ALG14: variants seen among roughly 807,000 people sequenced by gnomAD.
ALG14 encodes ALG14 UDP-N-acetylglucosaminyltransferase subunit.
ALG14 carries 17 observed loss-of-function variants against 22.8 expected under a neutral mutation model. That is an observed-to-expected ratio of 0.75 (90% CI 0.51 to 1.12). The LOEUF (loss-of-function observed/expected upper bound fraction) is 1.12, where lower values mean the gene tolerates loss of function less well. Among genes scored for constraint, ALG14 ranks in the 50% most tolerant of loss-of-function variants. The pLI is 0.00. For missense variants in ALG14, 288 were observed against 271.8 expected, an observed-to-expected ratio of 1.06 and a Z score of -0.42; for synonymous variants, 89 against 103.7, an observed-to-expected ratio of 0.86 and a Z score of 0.86.
At chr1:95,062,010 T>C (rs34280926) in intron 2 of ALG14, 49,097 of 151,802 alleles carry the variant, frequency 0.32, 10,026 homozygotes, top group Middle Eastern at 0.44. Flanking sequence ...CTGACTAAAA[T>C]GCTATAATGA....
At chr1:95,044,084 C>T (rs937088907) in intron 2 of ALG14, among the ~76,000 whole-genome samples, 1 of 152,178 alleles carries the variant, frequency 6.6e-6, no homozygotes, top group African/African-American at 2.4e-5. Flanking sequence ...TACAATTGCT[C>T]AGAACAGCTT....
intron 2 of ALG14, among the ~76,000 whole-genome samples, chr1:95,039,998 C>T (rs1238995100): frequency 6.6e-6 from 1 of 151,854 alleles, no homozygotes; most frequent in Non-Finnish European, 1.5e-5. Context: ...CACGGCAAAA[C>T]CCTATCTCTA....
At chr1:95,050,426 C>T (rs1674707964) in intron 2 of ALG14, among the ~76,000 whole-genome samples, 1 of 152,098 alleles carries the variant, frequency 6.6e-6, no homozygotes, top group African/African-American at 2.4e-5. Context: ...ACCAAGAGTA[C>T]CTCAAAACTC....
At chr1:95,068,398 T>C (rs1403358771) in intron 1 of ALG14, among the ~76,000 whole-genome samples, 2 of 152,200 alleles carry the variant, frequency 1.3e-5, no homozygotes, top group African/African-American at 2.4e-5. Flanking sequence ...GCGATTCTCC[T>C]GCCTCAGCCT....
intron 3 of ALG14, among the ~76,000 whole-genome samples, chr1:95,016,646 G>A (rs866442518): frequency 6.6e-6 from 1 of 152,076 alleles, no homozygotes; most frequent in Non-Finnish European, 1.5e-5. Context: ...AGTGACAGCA[G>A]GTTTATCTCA....
chr1:95,002,243 CT>C (rs1386569439), intron 3 of ALG14, among the ~76,000 whole-genome samples: 1 of 151,722 alleles, frequency 6.6e-6, no homozygotes, highest in Non-Finnish European at 1.5e-5. Flanking sequence ...CTGTAAGTAC[CT>C]GGGGGGGGGA....
At chr1:95,056,000 C>T (rs956142661) in intron 2 of ALG14, among the ~76,000 whole-genome samples, 5 of 144,178 alleles carry the variant, frequency 3.5e-5, no homozygotes, top group East Asian at 2.0e-4. Flanking sequence ...CAGAGTGAGA[C>T]TCTGTCTCAA....
intron 3 of ALG14, among the ~76,000 whole-genome samples, chr1:95,018,188 G>A (rs1282909679): frequency 2.0e-5 from 3 of 152,142 alleles, no homozygotes; most frequent in Non-Finnish European, 4.4e-5. Flanking sequence ...GAAATTATAG[G>A]AAATCAAATG....
chr1:95,012,519 T>G (rs1041357891), intron 3 of ALG14, among the ~76,000 whole-genome samples: 1 of 152,222 alleles, frequency 6.6e-6, no homozygotes, highest in Non-Finnish European at 1.5e-5. Flanking sequence ...AAGTAATAAC[T>G]CATTCTTCAC....
At chr1:95,039,566 A>G (rs1008540697) in intron 2 of ALG14, among the ~76,000 whole-genome samples, 5 of 152,240 alleles carry the variant, frequency 3.3e-5, no homozygotes, top group African/African-American at 1.2e-4. Context: ...ACAGGCTGAC[A>G]GCACATCATG....
intron 2 of ALG14, among the ~76,000 whole-genome samples, chr1:95,037,217 A>G (rs904075581): frequency 2.6e-5 from 4 of 152,092 alleles, no homozygotes; most frequent in African/African-American, 9.7e-5. Context: ...TCATATTCTC[A>G]GCCGGACGGT....
chr1:95,016,556 G>T (rs1230017209), intron 3 of ALG14, among the ~76,000 whole-genome samples: 1 of 151,966 alleles, frequency 6.6e-6, no homozygotes, highest in East Asian at 1.9e-4. Context: ...TTAGAAATCT[G>T]CCAAGATCTA....
chr1:95,068,510 G>A (rs1437851754), intron 1 of ALG14, among the ~76,000 whole-genome samples: 1 of 152,032 alleles, frequency 6.6e-6, no homozygotes, highest in African/African-American at 2.4e-5. Flanking sequence ...GGCTGGTCTT[G>A]AACTCCTGAC....
chr1:95,057,622 CTGTGTG>C (rs139544863), intron 2 of ALG14, among the ~76,000 whole-genome samples: 511 of 144,014 alleles, frequency 3.5e-3, no homozygotes, highest in African/African-American at 5.8e-3. Context: ...AGATGACCAT[CTGTGTG>C]TGTGTGTGTG....
At chr1:95,059,449 T>C (rs1456556148) in intron 2 of ALG14, among the ~76,000 whole-genome samples, 1 of 150,962 alleles carries the variant, frequency 6.6e-6, no homozygotes, top group Non-Finnish European at 1.5e-5. Flanking sequence ...TTGGAATATC[T>C]CCTTGAATTT....
chr1:95,070,442 C>G (rs1173207218), intron 1 of ALG14, among the ~76,000 whole-genome samples: 1 of 152,222 alleles, frequency 6.6e-6, no homozygotes, highest in African/African-American at 2.4e-5. Context: ...TTGGCCCTTA[C>G]AGTAGCCAAC....
At chr1:95,009,943 T>C (rs1300196719) in intron 3 of ALG14, among the ~76,000 whole-genome samples, 1 of 152,202 alleles carries the variant, frequency 6.6e-6, no homozygotes, top group East Asian at 1.9e-4. Context: ...TTTAACATGA[T>C]TTCAAAATTA....
chr1:95,069,663 T>C (rs1675495190), intron 1 of ALG14, among the ~76,000 whole-genome samples: 1 of 152,164 alleles, frequency 6.6e-6, no homozygotes. Context: ...AATAGTAGTG[T>C]TGGGACTTAG....
In ALG14 at chr1:95,030,407, T is replaced by C. The variant is rs536154793; in HGVS notation, c.289-3147A>G. ...TACATTTGAATCCAGTAAGATGTCA[T>C]GTCATTGTTATTATTGTGATAAAAA... On this transcript the variant is annotated intron_variant, in intron 2 of 3. Coordinates refer to ENST00000370205, the MANE Select transcript of ALG14 (RefSeq NM_144988.4). 3.3e-5 allele frequency among the ~76,000 whole-genome samples: 5 copies of C among 152,284 alleles called. No homozygotes were observed. The South Asian group carries it at 1.0e-3, about 32-fold the overall frequency.
Sources: allele counts gnomAD v4.1 joint callset (sites outside exome capture counted in the v4.1 genomes callset), GRCh38; gene constraint gnomAD v4.1.1; transcripts MANE v1.5; gene names NCBI Gene and HGNC (gene_info 2026-07-23, HGNC 2026-07-21).